The following IL4R variants were observed in gnomAD, a reference collection of about 807,000 sequenced individuals.
IL4R encodes interleukin 4 receptor.
IL4R carries 17 observed loss-of-function variants against 41.5 expected under a neutral mutation model. That is an observed-to-expected ratio of 0.41 (90% CI 0.28 to 0.61). The LOEUF is 0.61. Among genes scored for constraint, IL4R ranks in the 20% least tolerant of loss-of-function variants. The pLI is 0.31. For missense variants in IL4R, 974 were observed against 1,043.1 expected (o/e 0.93, Z 0.91); for synonymous variants, 402 against 422.9 (o/e 0.95, Z 0.61).
intron 7 of IL4R, chr16:27,355,241 A>AG (rs1423875932): frequency 3.5e-6 from 1 of 284,504 alleles, no homozygotes; most frequent in Non-Finnish European, 7.3e-6. Context: ...AGCGATGGGC[A>AG]GGGGGCAACG....
chr16:27,318,068 C>T (rs1480582379), intron 1 of IL4R, among the ~76,000 whole-genome samples: 1 of 152,214 alleles, frequency 6.6e-6, no homozygotes, highest in Non-Finnish European at 1.5e-5. Context: ...GCAGCTTTAT[C>T]TGTTATTCTG....
At chr16:27,356,037 C>A in intron 8 of IL4R, 130 bp downstream of exon 8, 1 of 632,128 alleles carries the variant, frequency 1.6e-6, no homozygotes, top group Non-Finnish European at 2.8e-6. Flanking sequence ...CTACTACACA[C>A]CTTGAGAGTA....
intron 2 of IL4R, 45 bp from the exon 3 acceptor site, chr16:27,340,141 C>T (rs2085394211): frequency 7.7e-7 from 1 of 1,307,178 alleles, no homozygotes; most frequent in African/African-American, 1.5e-5. Context: ...ATGAGCTCTG[C>T]TGGAAGCACA....
intron 8 of IL4R, 106 bp downstream of exon 8, chr16:27,356,013 C>T (rs4787423): frequency 0.85 from 602,157 of 705,110 alleles, 258,556 homozygotes; most frequent in East Asian, 0.92. Context: ...CAATAATACG[C>T]ATTTACTGAG....
At chr16:27,313,882 G>A, upstream of IL4R, 1 of 982,336 alleles carries the variant, frequency 1.0e-6, no homozygotes, top group Non-Finnish European at 1.2e-6. Flanking sequence ...GGGCGCCGGG[G>A]CGGGGAGCAG....
At chr16:27,355,416 C>T (rs570170351) in intron 7 of IL4R, 9 of 288,688 alleles carry the variant, frequency 3.1e-5, no homozygotes, top group South Asian at 6.6e-5. Flanking sequence ...CAGCCCTGCA[C>T]GATCAATTCT....
chr16:27,357,213 CT>C (rs1023620542), intron 8 of IL4R, among the ~76,000 whole-genome samples: 1 of 152,170 alleles, frequency 6.6e-6, no homozygotes, highest in African/African-American at 2.4e-5. Flanking sequence ...TCACCTGTAC[CT>C]CTTCCCACTC....
At chr16:27,359,711 A>G in intron 9 of IL4R, 1 of 436,056 alleles carries the variant, frequency 2.3e-6, no homozygotes, top group Non-Finnish European at 4.8e-6. Flanking sequence ...TGTGGGTTAT[A>G]ACAGTGTTTA....
chr16:27,335,942 C>T (rs1172532222), intron 2 of IL4R, among the ~76,000 whole-genome samples: 3 of 151,976 alleles, frequency 2.0e-5, no homozygotes, highest in African/African-American at 7.2e-5. Context: ...TTCCTGATTT[C>T]GATGGTTGTA....
intron 8 of IL4R, among the ~76,000 whole-genome samples, chr16:27,356,972 G>A (rs1285777439): frequency 6.6e-6 from 1 of 152,092 alleles, no homozygotes; most frequent in Non-Finnish European, 1.5e-5. Flanking sequence ...TTGGAATCAT[G>A]GTGTCTCAGA....
chr16:27,361,753 C>T (rs1339705710), intron 10 of IL4R, among the ~76,000 whole-genome samples: 4 of 151,620 alleles, frequency 2.6e-5, no homozygotes, highest in Admixed American at 2.6e-4. Flanking sequence ...TACAGTCATA[C>T]ACCAACATGC....
At chr16:27,359,895 G>C (rs1362550605) in intron 9 of IL4R, 1 of 446,420 alleles carries the variant, frequency 2.2e-6, no homozygotes, top group Non-Finnish European at 4.5e-6. Context: ...CTGCAGGCTG[G>C]CATTTGGGGC....
At chr16:27,340,792 G>GT (rs1350777341) in intron 3 of IL4R, among the ~76,000 whole-genome samples, 6 of 152,168 alleles carry the variant, frequency 3.9e-5, no homozygotes, top group African/African-American at 1.4e-4. Flanking sequence ...TGGGTGGAGT[G>GT]GGGGGGATTG....
At chr16:27,350,016 G>A (rs3024597) in intron 6 of IL4R, among the ~76,000 whole-genome samples, 1,559 of 152,274 alleles carry the variant, frequency 0.01, 35 homozygotes, top group African/African-American at 0.036. Context: ...CTCCCAAGGT[G>A]CTGGGATTAC....
Position 27,331,692 on chromosome 16 carries a change from A to G in IL4R, c.-19+1494A>G, listed in dbSNP as rs187630690. Among the ~76,000 whole-genome samples, 25 of 152,184 alleles carry G rather than the reference A, an allele frequency of 1.6e-4. 2 individuals are homozygous for G. Among genetic ancestry groups the G allele is most frequent in the Admixed American group, 7.2e-4 (11 of 15,270 alleles). On this transcript the variant is annotated intron_variant, in intron 2 of 10. Transcript: ENST00000395762. The stretch of plus-strand genomic sequence containing the variant: ...CACTGCACTTAGATCCAGTTGATTG[A>G]CAGCACTGTTCAAGTCAACTGTGTC...
At chr16:27,333,680 C>T (rs976146179) in intron 2 of IL4R, among the ~76,000 whole-genome samples, 1 of 152,038 alleles carries the variant, frequency 6.6e-6, no homozygotes, top group Admixed American at 6.6e-5. Flanking sequence ...TCACACAAAG[C>T]CTTGACTCAA....
chr16:27,334,030 C>T (rs1243214124), intron 2 of IL4R, among the ~76,000 whole-genome samples: 1 of 151,928 alleles, frequency 6.6e-6, no homozygotes, highest in African/African-American at 2.4e-5. Context: ...CTACAGGCAC[C>T]CGCCACCACG....
In IL4R at chr16:27,346,545, A is replaced by T. The variant is rs755441392; in HGVS notation, c.440A>T (p.Tyr147Phe). The T allele has an allele frequency of 1.1e-5, 18 of 1,614,046 alleles. No homozygotes were observed. The highest frequency in any genetic ancestry group is 1.5e-5 in the Non-Finnish European group (18 of 1,179,998). The change falls in exon 6 of 11, where the codon TAT (tyrosine) becomes TTT (phenylalanine). Residue 147 changes from tyrosine (Y) to phenylalanine (F), a missense_variant. By Grantham distance (22) the Tyr-to-Phe change is conservative. Coordinates refer to ENST00000395762, the MANE Select transcript of IL4R (RefSeq NM_000418.4). ...DTLLLTWSNP[Y>F]PPDNYLYNHL... ...CTGCTGCTGACCTGGAGCAACCCGT[A>T]TCCCCCTGACAATTACCTGTATAAT...
At chr16:27,337,737 C>T (rs866500732) in intron 2 of IL4R, among the ~76,000 whole-genome samples, 2 of 151,118 alleles carry the variant, frequency 1.3e-5, no homozygotes, top group East Asian at 2.0e-4. Context: ...GCGCCACTAC[C>T]GCCCGGCTAA....
Sources: gnomAD v4.1 joint callset for allele counts (sites outside exome capture counted in the v4.1 genomes callset) on GRCh38, gnomAD v4.1.1 for gene constraint, MANE v1.5 for transcripts, NCBI Gene and HGNC (gene_info 2026-07-23, HGNC 2026-07-21) for gene names.